NPAS3: variants seen among roughly 807,000 people sequenced by gnomAD.
NPAS3 encodes neuronal PAS domain-containing protein 3.
Under a neutral mutation model 73.1 loss-of-function variants are expected in NPAS3, and 14 were observed. That is an observed-to-expected ratio of 0.19 (90% CI 0.13 to 0.30). The LOEUF (loss-of-function observed/expected upper bound fraction) is 0.30, where lower values mean the gene tolerates loss of function less well. NPAS3 is among the 10% of genes least tolerant of loss of function. NPAS3 has a pLI of 1.00. For missense variants in NPAS3, 1,096 were observed against 1,250.0 expected (o/e 0.88, Z 1.86); for synonymous variants, 620 against 541.5 (o/e 1.14, Z -2.01).
In NPAS3 at chr14:33,800,854, C is replaced by A; in HGVS notation, c.2547C>A (p.His849Gln). ...AGAGCAACCTGCTGCCCAACGCGCA[C>A]GCTGTTAACTTCGTGGACGTTAACA... The change falls in exon 12 of 12, where the codon CAC (histidine) becomes CAA (glutamine). Residue 849 changes from histidine to glutamine, a missense_variant. Physicochemically the swap from His to Gln is conservative, Grantham distance 24. Coordinates refer to ENST00000356141, the Ensembl canonical transcript of NPAS3. This position sits in a 1 kb window ranked among gnomAD's most constrained non-coding sequence, Gnocchi z 6.5. 6.2e-7 allele frequency: 1 copy of A among 1,605,460 alleles called. No homozygotes were observed. The highest frequency in any genetic ancestry group is 2.2e-5 in the East Asian group (1 of 44,502).
At chr14:33,475,057 A>C (rs866710753) in intron 4 of NPAS3, among the ~76,000 whole-genome samples, 2 of 152,158 alleles carry the variant, frequency 1.3e-5, no homozygotes, top group Non-Finnish European at 2.9e-5. Context: ...CGAAGCTGAC[A>C]TGCACTCCTA....
At chr14:33,738,082 C>T (rs1462579213) in intron 7 of NPAS3, among the ~76,000 whole-genome samples, 3 of 152,182 alleles carry the variant, frequency 2.0e-5, no homozygotes, top group Non-Finnish European at 4.4e-5. Flanking sequence ...GTGGCAGCCA[C>T]TGTGCCACAT....
upstream of NPAS3, among the ~76,000 whole-genome samples, chr14:32,937,354 T>TG (rs1304286344): frequency 6.6e-6 from 1 of 151,686 alleles, no homozygotes; most frequent in East Asian, 1.9e-4. Context: ...GTGACAGGAG[T>TG]GGGGGGTTTT....
intron 5 of NPAS3, among the ~76,000 whole-genome samples, chr14:33,653,193 G>A (rs17101660): frequency 6.8e-4 from 103 of 152,354 alleles, no homozygotes; most frequent in African/African-American, 2.4e-3. Context: ...CTGCTTTAAA[G>A]TAGGTCCCTG....
chr14:33,029,824 C>G (rs1264115473), intron 1 of NPAS3, among the ~76,000 whole-genome samples: 1 of 152,188 alleles, frequency 6.6e-6, no homozygotes, highest in African/African-American at 2.4e-5. Context: ...GAAAAAGCAT[C>G]CCAGATGATT....
chr14:33,184,500 G>A (rs2045915188), intron 2 of NPAS3, among the ~76,000 whole-genome samples: 1 of 152,152 alleles, frequency 6.6e-6, no homozygotes, highest in African/African-American at 2.4e-5. Context: ...GAGTAGGAGA[G>A]AGACTTGGGA....
chr14:33,584,132 T>C (rs1030087138), intron 5 of NPAS3, among the ~76,000 whole-genome samples: 1 of 152,212 alleles, frequency 6.6e-6, no homozygotes, highest in Non-Finnish European at 1.5e-5. Flanking sequence ...TCTTGGAATA[T>C]CACTACTTCA....
intron 3 of NPAS3, among the ~76,000 whole-genome samples, chr14:33,275,859 A>C (rs2041305057): frequency 6.6e-6 from 1 of 152,206 alleles, no homozygotes; most frequent in Non-Finnish European, 1.5e-5. Flanking sequence ...ATTTTTAAGA[A>C]ATCAAAGCCA....
chr14:33,024,392 G>T (rs1330790755), intron 1 of NPAS3, among the ~76,000 whole-genome samples: 1 of 151,940 alleles, frequency 6.6e-6, no homozygotes, highest in Non-Finnish European at 1.5e-5. Context: ...AGCTGGTCTC[G>T]AACTACTGAC....
intron 2 of NPAS3, among the ~76,000 whole-genome samples, chr14:33,161,394 T>G (rs2044876092): frequency 6.6e-6 from 1 of 152,192 alleles, no homozygotes; most frequent in African/African-American, 2.4e-5. Flanking sequence ...ACTAATTAAC[T>G]TGCCCAGCTT....
chr14:33,003,753 A>T (rs897025689), intron 1 of NPAS3, among the ~76,000 whole-genome samples: 2 of 152,202 alleles, frequency 1.3e-5, no homozygotes. Context: ...TGTCCCTTAC[A>T]TTTTAATTTT....
At chr14:32,946,326 T>TC (rs1200003852) in intron 1 of NPAS3, among the ~76,000 whole-genome samples, 1 of 107,026 alleles carries the variant, frequency 9.3e-6, no homozygotes, top group East Asian at 2.5e-4. Context: ...TACTCCCCCA[T>TC]CCCCCCAACA....
intron 4 of NPAS3, among the ~76,000 whole-genome samples, chr14:33,533,312 A>G (rs931093824): frequency 6.6e-6 from 1 of 152,212 alleles, no homozygotes; most frequent in Admixed American, 6.6e-5. Flanking sequence ...CAACAAGAAG[A>G]CAAACATGCC....
chr14:33,674,257 T>C (rs1307535670), intron 5 of NPAS3, among the ~76,000 whole-genome samples: 1 of 152,228 alleles, frequency 6.6e-6, no homozygotes, highest in Non-Finnish European at 1.5e-5. Context: ...GCCATTTGTG[T>C]TGTCATCCTA....
intron 6 of NPAS3, among the ~76,000 whole-genome samples, chr14:33,676,831 A>G (rs1211977814): frequency 1.3e-5 from 2 of 152,198 alleles, no homozygotes; most frequent in Non-Finnish European, 2.9e-5. Flanking sequence ...TTAAAGCATC[A>G]GAAGGTACTT....
chr14:33,761,213 G>A (rs1446955076), intron 7 of NPAS3, among the ~76,000 whole-genome samples: 16 of 151,152 alleles, frequency 1.1e-4, no homozygotes, highest in Admixed American at 8.5e-4. Context: ...AACTTTTCCA[G>A]CACCTTCCAT....
intron 5 of NPAS3, among the ~76,000 whole-genome samples, chr14:33,599,005 A>G (rs2057324727): frequency 1.3e-5 from 2 of 152,178 alleles, no homozygotes; most frequent in South Asian, 4.1e-4. Context: ...GCTAGTTCAA[A>G]CTTTATGTCA....
intron 2 of NPAS3, among the ~76,000 whole-genome samples, chr14:33,133,970 A>G (rs2043736520): frequency 6.6e-6 from 1 of 152,214 alleles, no homozygotes; most frequent in Admixed American, 6.5e-5. Flanking sequence ...AACTTCAAAT[A>G]GAAAAATTAA....
At chr14:33,693,138 T>C (rs1296937104) in intron 6 of NPAS3, among the ~76,000 whole-genome samples, 3 of 152,208 alleles carry the variant, frequency 2.0e-5, no homozygotes, top group Non-Finnish European at 2.9e-5. Context: ...GTTCATTCAC[T>C]GATTTTGACC....
Sources: allele counts gnomAD v4.1 joint callset (sites outside exome capture counted in the v4.1 genomes callset), GRCh38; gene constraint gnomAD v4.1.1; non-coding constraint Gnocchi (gnomAD v3.1); transcripts MANE v1.5; gene names NCBI Gene and HGNC (gene_info 2026-07-23, HGNC 2026-07-21).